ORC1: variants seen among roughly 807,000 people sequenced by gnomAD.
ORC1 encodes origin recognition complex, subunit 1 homolog.
ORC1 carries 61 observed loss-of-function variants against 98.9 expected under a neutral mutation model. The ratio of observed to expected loss-of-function variants is 0.62; its 90% CI spans 0.50 to 0.76. ORC1 has a LOEUF of 0.76. Ranked by LOEUF, ORC1 falls within the 30% of genes least tolerant of loss-of-function variation. The probability of loss-of-function intolerance (pLI) is 0.00; values close to 1 mark genes in which losing one functional copy is unlikely to be tolerated. For synonymous variants in ORC1, 385 were observed against 406.9 expected (o/e 0.95, Z 0.65); for missense variants, 979 against 1,072.2 (o/e 0.91, Z 1.21).
chr1:52,376,137 C>T (rs940434056), intron 14 of ORC1, among the ~76,000 whole-genome samples: 15 of 152,090 alleles, frequency 9.9e-5, no homozygotes, highest in African/African-American at 3.4e-4. Flanking sequence ...TTTGGGAGGC[C>T]GAGGCAGGCG....
chr1:52,388,295 CTCCATGAATAT>C, intron 8 of ORC1, 136 bp downstream of exon 8: 1 of 808,844 alleles, frequency 1.2e-6, no homozygotes, highest in Non-Finnish European at 2.2e-6. Flanking sequence ...AGGTCCCCTT[CTCCATGAATAT>C]TCCACAAAGA....
chr1:52,408,456 C>T (rs1340277116), upstream of ORC1: 5 of 1,453,578 alleles, frequency 3.4e-6, no homozygotes, highest in Non-Finnish European at 4.8e-6. Context: ...TTGCAGCTTT[C>T]TTACCTGCCA....
upstream of ORC1, chr1:52,408,628 A>G (rs1309416859): frequency 1.2e-6 from 2 of 1,614,094 alleles, no homozygotes; most frequent in African/African-American, 1.3e-5. Flanking sequence ...ATTGATTGCT[A>G]CAAGTACTTG....
At chr1:52,378,483 A>G (rs1483443725) in intron 14 of ORC1, among the ~76,000 whole-genome samples, 3 of 151,204 alleles carry the variant, frequency 2.0e-5, no homozygotes, top group Admixed American at 2.0e-4. Context: ...AACATGGTAA[A>G]ACTCCGCCTC....
rs148063786 is a variant in ORC1 at position 52,383,903 on chromosome 1, G to A, written c.1790C>T (p.Ala597Val). Residue 597 changes from alanine to valine, a missense_variant, in exon 12 of 17, where the codon GCG (alanine) becomes GTG (valine). Coordinates refer to ENST00000371568, the MANE Select transcript of ORC1 (RefSeq NM_004153.4). ...LTGQKATANH[A>V]AELLAKQFCT... ...GAATTGCTTTGCCAGCAGTTCTGCC[G>A]CATGGTTGGCTGTTGCTTTTTGGCC... The A allele has an allele frequency of 9.9e-6, 16 of 1,614,012 alleles. No homozygotes were observed. The highest frequency in any genetic ancestry group is 4.5e-5 in the East Asian group (2 of 44,890).
intron 6 of ORC1, 91 bp downstream of exon 6, chr1:52,393,352 A>C: frequency 6.4e-7 from 1 of 1,562,654 alleles, no homozygotes; most frequent in Non-Finnish European, 8.8e-7. Flanking sequence ...TAGGTTTTTC[A>C]ACTACTGTTC....
At chr1:52,391,031 G>A (rs1232853408) in intron 6 of ORC1, among the ~76,000 whole-genome samples, 1 of 151,644 alleles carries the variant, frequency 6.6e-6, no homozygotes, top group Non-Finnish European at 1.5e-5. Flanking sequence ...AAGATAACGG[G>A]CAGGCGCAGT....
intron 1 of ORC1, among the ~76,000 whole-genome samples, chr1:52,403,373 CT>C (rs1259566657): frequency 5.3e-5 from 8 of 152,178 alleles, no homozygotes; most frequent in Admixed American, 5.2e-4. Context: ...TACTATGGAA[CT>C]AACATAATTC....
intron 1 of ORC1, among the ~76,000 whole-genome samples, chr1:52,403,535 G>T (rs982790431): frequency 1.3e-5 from 2 of 152,176 alleles, no homozygotes; most frequent in Non-Finnish European, 2.9e-5. Context: ...ACCTAACACA[G>T]CAGAGACGAG....
intron 3 of ORC1, among the ~76,000 whole-genome samples, chr1:52,399,750 T>A (rs1183875536): frequency 1.3e-5 from 2 of 151,740 alleles, no homozygotes; most frequent in Non-Finnish European, 2.9e-5. Flanking sequence ...TGAGGCTGCA[T>A]GAGCTGAGAT....
At position 52,375,336 on chromosome 1, in the gene ORC1, T is replaced by A. The variant is rs974015392; in HGVS notation, c.2303+94A>T. On this transcript the variant is annotated intron_variant, in intron 15 of 16. Transcript: ENST00000371568. ...AATGTCCCTATGAAACATAACTGTG[T>A]TATTAATAAGTGCAGGTTGAATGAG... 2.8e-6 allele frequency: 3 copies of A among 1,079,782 alleles called. No individual in the cohort carries two copies. The African/African-American group carries it at 4.6e-5, about 17-fold the overall frequency. The allele number at this position is 1,079,782 out of a possible 1,614,324, so 66.9% of individuals were successfully genotyped here.
intron 2 of ORC1, among the ~76,000 whole-genome samples, chr1:52,401,759 A>G (rs1438380440): frequency 3.3e-5 from 5 of 152,208 alleles, no homozygotes; most frequent in Non-Finnish European, 7.3e-5. Flanking sequence ...TTCCCACAAC[A>G]AATGTTTCCC....
upstream of ORC1, chr1:52,408,581 G>A (rs201953384): frequency 4.3e-6 from 7 of 1,614,196 alleles, no homozygotes; most frequent in Admixed American, 1.7e-5. Context: ...ATGTCCGCAT[G>A]CTGGGGGCAC....
intron 8 of ORC1, 101 bp downstream of exon 8, chr1:52,388,341 T>G (rs1647170175): frequency 1.1e-6 from 1 of 947,686 alleles, no homozygotes; most frequent in African/African-American, 1.6e-5. Flanking sequence ...AACAGATCTG[T>G]CCTCAGATTC....
At chr1:52,395,952 G>C in intron 5 of ORC1, 94 bp downstream of exon 5, 1 of 1,565,724 alleles carries the variant, frequency 6.4e-7, no homozygotes, top group Non-Finnish European at 8.7e-7. Flanking sequence ...AGTGCACTGT[G>C]ATCACTAACT....
At chr1:52,384,802 A>G (rs1647121728) in intron 10 of ORC1, 81 bp from the exon 11 acceptor site, 2 of 1,255,778 alleles carry the variant, frequency 1.6e-6, no homozygotes, top group Non-Finnish European at 2.3e-6. Context: ...GTGGGAATGT[A>G]TACTGAGGGA....
At chr1:52,405,950 T>G (rs1647976109), upstream of ORC1, 4 of 926,842 alleles carry the variant, frequency 4.3e-6, no homozygotes, top group Middle Eastern at 2.6e-4. Context: ...AGAGTTCCAC[T>G]CCAGATTTTT....
chr1:52,373,097 A>G lies in ORC1; in HGVS notation c.*84T>C, dbSNP rs938767582. The G allele has an allele frequency of 2.9e-6, 4 of 1,387,990 alleles. No homozygotes were observed. The African/African-American group carries it at 5.7e-5, about 20-fold the overall frequency. 86.0% of individuals were successfully genotyped at this position (1,387,990 alleles called of 1,614,324 possible). A position where few individuals can be genotyped will look rare whatever the true frequency, so the allele number is the denominator to read the frequency against. ...CAGTGAGCCATGATCGTGCCACTGC[A>G]CTCCAGCCTGGGCGACAGAGCAAGA... On this transcript the variant is annotated 3_prime_UTR_variant, in exon 17 of 17. Transcript: ENST00000371568.
chr1:52,396,450 T>TTGAA, intron 4 of ORC1, 86 bp from the exon 5 acceptor site: 1 of 1,537,514 alleles, frequency 6.5e-7, no homozygotes, highest in Non-Finnish European at 9.0e-7. Flanking sequence ...ATTAAAAACA[T>TTGAA]TGAAGTCCAC....
Sources: allele counts gnomAD v4.1 joint callset (sites outside exome capture counted in the v4.1 genomes callset), GRCh38; gene constraint gnomAD v4.1.1; transcripts MANE v1.5; gene names NCBI Gene and HGNC (gene_info 2026-07-23, HGNC 2026-07-21).